Variants in GJA5 observed in about 807,000 individuals in gnomAD.
The protein encoded by GJA5 is gap junction alpha-5 protein.
Under a neutral mutation model 7.9 loss-of-function variants are expected in GJA5, and 3 were observed. The ratio of observed to expected loss-of-function variants is 0.38; its 90% CI spans 0.17 to 0.99. The LOEUF (loss-of-function observed/expected upper bound fraction) is 0.99, where lower values mean the gene tolerates loss of function less well. Ranked by LOEUF, GJA5 falls within the 50% of genes least tolerant of loss-of-function variation. The pLI is 0.38. For missense variants in GJA5, 390 were observed against 457.9 expected (o/e 0.85, Z 1.35); for synonymous variants, 193 against 181.0 (o/e 1.07, Z -0.53).
chr1:147,762,941 T>C (rs1553227613), upstream of GJA5, among the ~76,000 whole-genome samples: 1 of 152,240 alleles, frequency 6.6e-6, no homozygotes, highest in East Asian at 1.9e-4. Context: ...GAATAAATGC[T>C]ATCAAACACA....
upstream of GJA5, among the ~76,000 whole-genome samples, chr1:147,763,380 TAACATAAAGG>T: frequency 1.3e-5 from 2 of 152,316 alleles, no homozygotes; most frequent in Middle Eastern, 3.4e-3. Context: ...CAATGTGTGT[TAACATAAAGG>T]AAGTATAAGG....
intron 1 of GJA5, among the ~76,000 whole-genome samples, chr1:147,766,069 T>G (rs2148963106): frequency 6.6e-6 from 1 of 152,294 alleles, no homozygotes; most frequent in Non-Finnish European, 1.5e-5. Flanking sequence ...TACAATAATT[T>G]CTGTGTCCCC....
Position 147,758,237 on chromosome 1 carries a change from G to A in GJA5, c.1002C>T (p.Pro334=), listed in dbSNP as rs782103457. 10 of 1,614,006 alleles carry A rather than the reference G, an allele frequency of 6.2e-6. No individual in the cohort carries two copies. The highest frequency in any genetic ancestry group is 2.7e-5 in the African/African-American group (2 of 74,910). The change falls in exon 2 of 2, where the codon CCC becomes CCT. Residue 334 remains proline (P), a synonymous_variant. Coordinates refer to ENST00000579774, the MANE Select transcript of GJA5 (RefSeq NM_181703.4). ...PNGVSPGHRL[P]HGYHSDKRRL... The stretch of plus-strand genomic sequence containing the variant: ...GTCGCTTGTCACTATGATAGCCATG[G>A]GGAAGGCGGTGACCTGGTGAGACTC...
At chr1:147,767,209 C>T (rs782542479) in intron 1 of GJA5, among the ~76,000 whole-genome samples, 4 of 152,100 alleles carry the variant, frequency 2.6e-5, no homozygotes, top group Admixed American at 6.5e-5. Context: ...TTCCCAACTA[C>T]GTCTTCTAGT....
At position 147,758,161 on chromosome 1, in the gene GJA5, G is replaced by T; in HGVS notation, c.*1C>A. Reference sequence around the variant, plus strand: ...GGTCCTGATCCTCCCATAAAGGAGGGTCACACTGATAGGTCATCTGACCTT... The same window carrying T: ...GGTCCTGATCCTCCCATAAAGGAGGTTCACACTGATAGGTCATCTGACCTT... On this transcript the variant is annotated 3_prime_UTR_variant, in exon 2 of 2. Coordinates refer to ENST00000579774, the MANE Select transcript of GJA5 (RefSeq NM_181703.4). The T allele has an allele frequency of 6.3e-7, 1 of 1,592,656 alleles. No individual in the cohort carries two copies.
Position 147,758,286 on chromosome 1 carries a change from C to A in GJA5, c.953G>T (p.Gly318Val), listed in dbSNP as rs782221270. The change falls in exon 2 of 2, where the codon GGC (glycine) becomes GTC (valine). Residue 318 changes from glycine to valine, a missense_variant. Around this residue, in one of 2 missense-constraint regions of GJA5, gnomAD observed 354 missense variants for 370.9 expected, o/e 0.95. Coordinates refer to ENST00000579774, the MANE Select transcript of GJA5 (RefSeq NM_181703.4). ...PGEGFIQVRY[G>V]QKPEVPNGVS... ...TCCATTGGGCACCTCAGGCTTCTGG[C>A]CATAACGAACCTGGATGAAACCTTC... 8.7e-6 allele frequency: 14 copies of A among 1,613,962 alleles called. No individual in the cohort carries two copies. The highest frequency in any genetic ancestry group is 1.2e-5 in the Non-Finnish European group (14 of 1,179,962).
At chr1:147,763,841 G>C (rs957561130), upstream of GJA5, among the ~76,000 whole-genome samples, 1 of 151,834 alleles carries the variant, frequency 6.6e-6, no homozygotes, top group African/African-American at 2.4e-5. Context: ...ATGAAGTCTC[G>C]CTTTGTCACC....
At chr1:147,767,623 C>G (rs992148227) in intron 1 of GJA5, among the ~76,000 whole-genome samples, 2 of 147,196 alleles carry the variant, frequency 1.4e-5, no homozygotes, top group Admixed American at 6.9e-5. Flanking sequence ...GTCTCAAACT[C>G]TTGGGCTCAG....
rs927667549 is a variant in GJA5, at chr1:147,766,087, G to A, written c.-33-6816C>T. The stretch of plus-strand genomic sequence containing the variant: ...AATAATTTCTGTGTCCCCCAAGTCA[G>A]CAGCTGGGCCTTGGGCTGAACTGTA... On this transcript the variant is annotated intron_variant, in intron 1 of 1. Coordinates refer to the GJA5 transcript ENST00000430508. Among the ~76,000 whole-genome samples, 3 of 152,244 alleles carry A rather than the reference G, an allele frequency of 2.0e-5. No homozygotes were observed. The South Asian group carries it at 6.2e-4, about 32-fold the overall frequency.
intron 1 of GJA5, among the ~76,000 whole-genome samples, chr1:147,767,694 G>A (rs1664258929): frequency 6.6e-6 from 1 of 151,776 alleles, no homozygotes; most frequent in Non-Finnish European, 1.5e-5. Context: ...CACCATGGCT[G>A]GCCTCTCATC....
At chr1:147,764,473 A>G (rs1664128557), upstream of GJA5, among the ~76,000 whole-genome samples, 1 of 152,194 alleles carries the variant, frequency 6.6e-6, no homozygotes, top group Admixed American at 6.5e-5. Flanking sequence ...AGTAATGAGA[A>G]CAGTACCAAA....
chr1:147,762,903 G>A (rs146205644), upstream of GJA5, among the ~76,000 whole-genome samples: 136 of 152,340 alleles, frequency 8.9e-4, no homozygotes, highest in Non-Finnish European at 1.6e-3. Context: ...AGTGTATTAG[G>A]AGGGGCAAAG....
At chr1:147,761,800 T>C (rs1167422002), upstream of GJA5, among the ~76,000 whole-genome samples, 1 of 151,770 alleles carries the variant, frequency 6.6e-6, no homozygotes, top group Non-Finnish European at 1.5e-5. Context: ...TGAACTATGG[T>C]AAATGTCTGA....
At chr1:147,770,938 C>G (rs1366387085) in intron 1 of GJA5, among the ~76,000 whole-genome samples, 1 of 152,164 alleles carries the variant, frequency 6.6e-6, no homozygotes, top group African/African-American at 2.4e-5. Context: ...GTCATCTCTC[C>G]CCTTTGTCCA....
At chr1:147,770,937 C>A (rs1474567096) in intron 1 of GJA5, among the ~76,000 whole-genome samples, 2 of 152,218 alleles carry the variant, frequency 1.3e-5, no homozygotes, top group African/African-American at 4.8e-5. Context: ...GGTCATCTCT[C>A]CCCTTTGTCC....
intron 1 of GJA5, among the ~76,000 whole-genome samples, chr1:147,759,875 G>T (rs1169514275): frequency 1.3e-5 from 2 of 152,200 alleles, no homozygotes; most frequent in Non-Finnish European, 2.9e-5. Context: ...GGATGGAAAA[G>T]GAATTTTTTT....
At chr1:147,763,251 A>G (rs1462193491), upstream of GJA5, among the ~76,000 whole-genome samples, 1 of 152,238 alleles carries the variant, frequency 6.6e-6, no homozygotes, top group East Asian at 1.9e-4. Context: ...ATTCTGGACA[A>G]TGAGGATACA....
At position 147,759,000 on chromosome 1, in the gene GJA5, A is replaced by G; in HGVS notation, c.239T>C (p.Leu80Pro). 3 of 1,614,214 alleles carry G rather than the reference A, an allele frequency of 1.9e-6. No individual in the cohort carries two copies. The highest frequency in any genetic ancestry group is 2.5e-6 in the Non-Finnish European group (3 of 1,180,022). ...GGGCGTGGAGACGAAGATGATCTGC[A>G]GCACCCAGTAGCGAATGTGGGAGAT... ...FPISHIRYWV[L>P]QIIFVSTPSL... Residue 80 changes from leucine (L) to proline (P), a missense_variant, in exon 2 of 2, where the codon CTG (leucine) becomes CCG (proline). By Grantham distance (98) the Leu-to-Pro change is moderately conservative. Coordinates refer to ENST00000579774, the MANE Select transcript of GJA5 (RefSeq NM_181703.4).
chr1:147,770,973 T>G (rs1553228974), intron 1 of GJA5, among the ~76,000 whole-genome samples: 2 of 152,132 alleles, frequency 1.3e-5, no homozygotes, highest in Non-Finnish European at 2.9e-5. Flanking sequence ...CCCAGGTTGG[T>G]GCTTATGGGA....
Sources: gnomAD v4.1 joint callset for allele counts (sites outside exome capture counted in the v4.1 genomes callset) on GRCh38, gnomAD v4.1.1 for gene constraint, gnomAD v4.1.1 regional missense constraint, MANE v1.5 for transcripts, NCBI Gene and HGNC (gene_info 2026-07-23, HGNC 2026-07-21) for gene names.